CAMKMT: variants seen among roughly 807,000 people sequenced by gnomAD.
The protein encoded by CAMKMT is CaM KMT.
Under a neutral mutation model 48.0 loss-of-function variants are expected in CAMKMT, and 53 were observed. The observed-to-expected ratio is 1.10, with a 90% CI of 0.89 to 1.39. The LOEUF (loss-of-function observed/expected upper bound fraction) is 1.39. Ranked by LOEUF, CAMKMT falls within the 40% of genes most tolerant of loss-of-function variation. The pLI is 0.00. For synonymous variants in CAMKMT, 165 were observed against 152.3 expected (o/e 1.08, Z -0.61); for missense variants, 428 against 402.7 (o/e 1.06, Z -0.54).
intron 3 of CAMKMT, among the ~76,000 whole-genome samples, chr2:44,393,795 C>G (rs1681574321): frequency 6.6e-6 from 1 of 152,162 alleles, no homozygotes; most frequent in Non-Finnish European, 1.5e-5. Flanking sequence ...TTTCTTGCTT[C>G]TGCTTTTTCT....
chr2:44,448,397 G>T (rs147875526), intron 3 of CAMKMT, among the ~76,000 whole-genome samples: 2,647 of 152,252 alleles, frequency 0.017, 81 homozygotes, highest in African/African-American at 0.061. Context: ...TCCCTAGAGG[G>T]TCTTCAATTC....
intron 3 of CAMKMT, among the ~76,000 whole-genome samples, chr2:44,406,078 C>T (rs1682757784): frequency 6.6e-6 from 1 of 152,040 alleles, no homozygotes; most frequent in South Asian, 2.1e-4. Context: ...TGGTTGTGAG[C>T]AACAGAAACT....
intron 3 of CAMKMT, among the ~76,000 whole-genome samples, chr2:44,615,154 G>A (rs539179321): frequency 2.6e-5 from 4 of 151,774 alleles, no homozygotes; most frequent in African/African-American, 9.7e-5. Flanking sequence ...GCAAACTTCT[G>A]GCCTCAAGTG....
chr2:44,592,257 A>G (rs1670338543), intron 3 of CAMKMT, among the ~76,000 whole-genome samples: 1 of 151,480 alleles, frequency 6.6e-6, no homozygotes, highest in Admixed American at 6.6e-5. Flanking sequence ...CATTTTTTTT[A>G]TGGGTACTGC....
intron 7 of CAMKMT, among the ~76,000 whole-genome samples, chr2:44,719,789 A>G (rs1450178144): frequency 6.6e-6 from 1 of 152,186 alleles, no homozygotes; most frequent in Non-Finnish European, 1.5e-5. Context: ...ACAAACTGAC[A>G]GTGTGAGTAG....
At chr2:44,623,007 T>C (rs72792357) in intron 3 of CAMKMT, among the ~76,000 whole-genome samples, 19,417 of 152,256 alleles carry the variant, frequency 0.13, 1,401 homozygotes, top group Admixed American at 0.22. Flanking sequence ...CTGTTATTTC[T>C]TGACTTTTTA....
At chr2:44,687,464 A>G (rs543180236) in intron 3 of CAMKMT, among the ~76,000 whole-genome samples, 97 of 152,320 alleles carry the variant, frequency 6.4e-4, no homozygotes, top group Non-Finnish European at 1.2e-3. Flanking sequence ...ATTCAAATGC[A>G]TTATTTCTCC....
Position 44,362,158 on chromosome 2 carries a change from C to A in CAMKMT, c.138+13C>A. On this transcript the variant is annotated intron_variant, in intron 1 of 10. Transcript: ENST00000378494. ...GCTCCTGCGGCAGGTAAGGGAGAAC[C>A]TGCTCGCCTCACCTTTGCCTCTGGT... The A allele has an allele frequency of 1.4e-6, 2 of 1,460,028 alleles. No homozygotes were observed. The highest frequency in any genetic ancestry group is 2.9e-5 in the East Asian group (1 of 34,182). The allele number at this position is 1,460,028 out of a possible 1,614,324, so 90.4% of individuals were successfully genotyped here.
chr2:44,752,777 C>T (rs1680206122), intron 8 of CAMKMT, among the ~76,000 whole-genome samples: 1 of 152,158 alleles, frequency 6.6e-6, no homozygotes, highest in Admixed American at 6.5e-5. Flanking sequence ...GAACACGTGT[C>T]CTCACATGGC....
intron 3 of CAMKMT, among the ~76,000 whole-genome samples, chr2:44,664,297 A>C: frequency 6.6e-6 from 1 of 152,376 alleles, no homozygotes; most frequent in South Asian, 2.1e-4. Context: ...GTTTGTTAAG[A>C]GGACTAAATG....
chr2:44,515,776 GTCT>G (rs941596655), intron 3 of CAMKMT, among the ~76,000 whole-genome samples: 11 of 152,112 alleles, frequency 7.2e-5, no homozygotes, highest in African/African-American at 2.7e-4. Flanking sequence ...TGTTAGCTCT[GTCT>G]TCTTCTTTGT....
chr2:44,514,335 G>A (rs1670728893), intron 3 of CAMKMT, among the ~76,000 whole-genome samples: 1 of 150,104 alleles, frequency 6.7e-6, no homozygotes, highest in Non-Finnish European at 1.5e-5. Flanking sequence ...TGACTGACTA[G>A]ATAGAGAGGC....
Position 44,409,901 on chromosome 2 carries a change from A to T in CAMKMT, c.376+19596A>T, listed in dbSNP as rs577886685. On this transcript the variant is annotated intron_variant, in intron 3 of 10. Coordinates refer to ENST00000378494, the MANE Select transcript of CAMKMT (RefSeq NM_024766.5). The stretch of plus-strand genomic sequence containing the variant: ...TAGACAATCTGTTAGGTCCTGGGGT[A>T]TAAAGAGAAATAATATCTGGTCCTT... Among the ~76,000 whole-genome samples the T allele has an allele frequency of 4.9e-4, 75 of 152,278 alleles. 1 individual carries two copies. Among genetic ancestry groups the T allele is most frequent in the African/African-American group, 1.7e-3 (71 of 41,558 alleles).
At chr2:44,669,582 C>G (rs910949112) in intron 3 of CAMKMT, among the ~76,000 whole-genome samples, 2 of 152,112 alleles carry the variant, frequency 1.3e-5, no homozygotes, top group African/African-American at 4.8e-5. Flanking sequence ...TGCTATCTGA[C>G]TTTTAAAAAT....
At chr2:44,363,688 C>CTTT (rs577698393) in intron 1 of CAMKMT, among the ~76,000 whole-genome samples, 3 of 127,812 alleles carry the variant, frequency 2.3e-5, no homozygotes, top group Non-Finnish European at 3.4e-5. Flanking sequence ...CAACCCCCTT[C>CTTT]TTTTTTTTTT....
intron 3 of CAMKMT, among the ~76,000 whole-genome samples, chr2:44,515,209 G>C (rs1166385172): frequency 1.3e-5 from 2 of 152,222 alleles, no homozygotes; most frequent in African/African-American, 4.8e-5. Flanking sequence ...ATTTCCATAA[G>C]GGAGGGTTTG....
intron 3 of CAMKMT, among the ~76,000 whole-genome samples, chr2:44,624,728 T>A (rs557385017): frequency 6.6e-6 from 1 of 152,174 alleles, no homozygotes; most frequent in Non-Finnish European, 1.5e-5. Flanking sequence ...TCTATCATTG[T>A]TGGACATTTG....
chr2:44,415,051 C>A (rs1229695388), intron 3 of CAMKMT, among the ~76,000 whole-genome samples: 1 of 152,134 alleles, frequency 6.6e-6, no homozygotes, highest in Non-Finnish European at 1.5e-5. Context: ...ACTCAGGAGG[C>A]TGAGGCAGGA....
chr2:44,389,716 G>T (rs549856307), intron 2 of CAMKMT, among the ~76,000 whole-genome samples: 14 of 152,290 alleles, frequency 9.2e-5, no homozygotes, highest in Admixed American at 4.6e-4. Flanking sequence ...AGAATTAAAG[G>T]CATTAGAATT....
Sources: gnomAD v4.1 joint callset for allele counts (sites outside exome capture counted in the v4.1 genomes callset) on GRCh38, gnomAD v4.1.1 for gene constraint, MANE v1.5 for transcripts, NCBI Gene and HGNC (gene_info 2026-07-23, HGNC 2026-07-21) for gene names.